EIF4B: variants seen among roughly 807,000 people sequenced by gnomAD.
EIF4B encodes the protein eukaryotic translation initiation factor 4B.
A neutral mutation model predicts 79.3 loss-of-function variants in EIF4B; 8 were observed. The observed-to-expected ratio is 0.10, with a 90% CI of 0.06 to 0.18. The LOEUF (loss-of-function observed/expected upper bound fraction) is 0.18, where lower values mean the gene tolerates loss of function less well. Ranked by LOEUF, EIF4B falls within the 10% of genes least tolerant of loss-of-function variation. The probability of loss-of-function intolerance (pLI) is 1.00; values close to 1 mark genes in which losing one functional copy is unlikely to be tolerated. For missense variants in EIF4B, 515 were observed against 792.4 expected (o/e 0.65, Z 4.20); for synonymous variants, 238 against 274.7 (o/e 0.87, Z 1.32).
rs561115006 is a variant in EIF4B at position 53,038,390 on chromosome 12, G to C, written c.1555G>C (p.Glu519Gln). The C allele has an allele frequency of 1.2e-6, 2 of 1,601,724 alleles. No individual in the cohort carries two copies. The highest frequency in any genetic ancestry group is 2.7e-5 in the African/African-American group (2 of 74,442). The change falls in exon 12 of 15, where the codon GAG (glutamate) becomes CAG (glutamine). Residue 519 changes from glutamate to glutamine, a missense_variant. Physicochemically the swap from Glu to Gln is conservative, Grantham distance 29 (BLOSUM62 2). This residue lies in a region of EIF4B where 146 missense variants were observed against 228.0 expected (regional missense o/e 0.64). Transcript: ENST00000262056. The part of the protein sequence containing the change: ...GGKVAPAQPS[E>Q]EGPGRKDENK... ...AAAAGTAGCTCCAGCTCAACCATCT[G>C]AGGAAGGACCAGGAAGGAAAGGTGA...
In EIF4B at chr12:53,042,209, A is replaced by T. The variant is rs1943651941; in HGVS notation, c.*1986A>T. 6.6e-6 allele frequency: 1 copy of T among 152,610 alleles called. No individual in the cohort carries two copies. The highest frequency in any genetic ancestry group is 2.1e-4 in the South Asian group (1 of 4,830). 9.5% of individuals were successfully genotyped at this position (152,610 alleles called of 1,614,324 possible). The stretch of plus-strand genomic sequence containing the variant: ...CAAATAAATCTGATCTTTAAAGTTC[A>T]TTGTAATGCTGAAGTTCTTTGACAA... On this transcript the variant is annotated 3_prime_UTR_variant, in exon 15 of 15. Coordinates refer to ENST00000262056, the MANE Select transcript of EIF4B (RefSeq NM_001417.7).
At position 53,034,675 on chromosome 12, in the gene EIF4B, A is replaced by T; in HGVS notation, c.1272A>T (p.Ser424=). The T allele has an allele frequency of 1.2e-6, 2 of 1,614,046 alleles. No homozygotes were observed. The highest frequency in any genetic ancestry group is 1.7e-6 in the Non-Finnish European group (2 of 1,179,902). The part of the protein sequence containing the change: ...ERERSRTGSE[S]SQTGTSTTSS... ...AACGGTCGAGGACAGGAAGTGAGTCATCACAAACTGGGACCTCCACCACAT... is the reference window on the plus strand; with the variant it reads ...AACGGTCGAGGACAGGAAGTGAGTCTTCACAAACTGGGACCTCCACCACAT... The change falls in exon 10 of 15, where the codon TCA becomes TCT. Residue 424 remains serine, a synonymous_variant. Coordinates refer to ENST00000262056, the MANE Select transcript of EIF4B (RefSeq NM_001417.7).
chr12:53,039,907 C>A, intron 14 of EIF4B: 1 of 753,896 alleles, frequency 1.3e-6, no homozygotes, highest in Non-Finnish European at 2.1e-6. Flanking sequence ...TGGTTTCTGT[C>A]TTCCTTTGTT....
intron 5 of EIF4B, 48 bp from the exon 6 acceptor site, chr12:53,022,445 A>G (rs1943261168): frequency 6.2e-7 from 1 of 1,603,000 alleles, no homozygotes; most frequent in African/African-American, 1.3e-5. Context: ...AATATTGGGC[A>G]AAGTTTTTAT....
chr12:53,024,510 A>G (rs2037418), intron 6 of EIF4B, among the ~76,000 whole-genome samples: 121,655 of 152,156 alleles, frequency 0.8, 50,936 homozygotes, highest in Non-Finnish European at 0.93. Context: ...TTTCTTTTAA[A>G]CAAAAAACAA....
chr12:53,038,244 T>G (rs1167276556), intron 11 of EIF4B, 112 bp from the exon 12 acceptor site: 10 of 825,768 alleles, frequency 1.2e-5, no homozygotes, highest in Non-Finnish European at 1.7e-5. Flanking sequence ...TAACATTGAG[T>G]ATGATTTTGT....
At position 53,006,548 on chromosome 12, in the gene EIF4B, G is replaced by A. The variant is rs542313296; in HGVS notation, c.13+52G>A. Reference sequence around the variant, plus strand: ...GGACTGGGCTCTGAAACCCCCCTCCGAGCGTGATCCACTGATTTCCTGAAG... The same window carrying A: ...GGACTGGGCTCTGAAACCCCCCTCCAAGCGTGATCCACTGATTTCCTGAAG... On this transcript the variant is annotated intron_variant, in intron 1 of 14. Transcript: ENST00000262056. 3.9e-5 allele frequency: 63 copies of A among 1,612,686 alleles called. No homozygotes were observed. In the South Asian group the frequency reaches 5.7e-4, roughly 15 times the overall value.
At chr12:53,024,052 T>C (rs1943294975) in intron 6 of EIF4B, among the ~76,000 whole-genome samples, 1 of 152,196 alleles carries the variant, frequency 6.6e-6, no homozygotes, top group Non-Finnish European at 1.5e-5. Flanking sequence ...TTATTGGGCA[T>C]ACATTATTAT....
At chr12:53,027,659 T>C (rs938078680) in intron 6 of EIF4B, 123 bp from the exon 7 acceptor site, 7 of 1,437,190 alleles carry the variant, frequency 4.9e-6, no homozygotes, top group Non-Finnish European at 6.5e-6. Context: ...AGGGAAACTT[T>C]TTGAAGAAAT....
At chr12:53,029,515 A>G (rs1319124060) in intron 8 of EIF4B, among the ~76,000 whole-genome samples, 1 of 151,962 alleles carries the variant, frequency 6.6e-6, no homozygotes, top group Non-Finnish European at 1.5e-5. Context: ...AGCTGGGACT[A>G]CAGGTGCACG....
chr12:53,040,204 GAGA>G lies in EIF4B; in HGVS notation c.1821_1823del (p.Glu607del). On this transcript the variant is annotated inframe_deletion, in exon 15 of 15. Transcript: ENST00000262056. ...GTTGATGGTGAAGATGAAAATGAGGGAGAAGATTATGCCGAATAGACCTCTACA... is the reference window on the plus strand; with the variant it reads ...GTTGATGGTGAAGATGAAAATGAGGGAGATTATGCCGAATAGACCTCTACA... The G allele has an allele frequency of 1.2e-6, 2 of 1,613,964 alleles. No homozygotes were observed. Among genetic ancestry groups the G allele is most frequent in the Non-Finnish European group, 1.7e-6 (2 of 1,179,956 alleles).
At chr12:53,009,184 A>G (rs1160071020) in intron 1 of EIF4B, among the ~76,000 whole-genome samples, 3 of 152,140 alleles carry the variant, frequency 2.0e-5, no homozygotes, top group Non-Finnish European at 4.4e-5. Flanking sequence ...CTGTCCCCTT[A>G]CCTAGAGGGA....
chr12:53,022,626 C>T lies in EIF4B; in HGVS notation c.666C>T (p.Asp222=). Residue 222 remains aspartate, a splice_region_variant and synonymous_variant, in exon 6 of 15, where the codon GAC becomes GAT. Transcript: ENST00000262056. ...GAAGAGGTGATGATAGCTTTGGAGA[C>T]AGTAAGTTTGTTTTTATGAAGTTAG... ...PPRRGDDSFG[D]KYRDRYDSDR... 1 of 1,612,874 alleles carries T rather than the reference C, an allele frequency of 6.2e-7. No individual in the cohort carries two copies. The highest frequency in any genetic ancestry group is 1.1e-5 in the South Asian group (1 of 90,848).
intron 2 of EIF4B, among the ~76,000 whole-genome samples, chr12:53,017,651 T>C (rs1943170296): frequency 6.6e-6 from 1 of 152,188 alleles, no homozygotes; most frequent in Non-Finnish European, 1.5e-5. Context: ...GGGGTGCAAG[T>C]GGCGCACTCT....
intron 10 of EIF4B, among the ~76,000 whole-genome samples, chr12:53,035,763 T>G (rs1386057717): frequency 6.6e-6 from 1 of 152,120 alleles, no homozygotes; most frequent in Non-Finnish European, 1.5e-5. Context: ...CCAGCCACTG[T>G]GATATTTTTT....
chr12:53,037,760 G>A (rs1943564187), intron 11 of EIF4B, 138 bp downstream of exon 11: 2 of 945,074 alleles, frequency 2.1e-6, no homozygotes, highest in South Asian at 1.7e-5. Flanking sequence ...TTAGTGTGCT[G>A]GAACTGGCTC....
chr12:53,009,494 C>CAAAA (rs10561811), intron 1 of EIF4B, among the ~76,000 whole-genome samples: 1 of 148,210 alleles, frequency 6.7e-6, no homozygotes, highest in African/African-American at 2.5e-5. Context: ...GACTCCGTCT[C>CAAAA]AAAAAAAAAA....
chr12:53,018,508 AAAGAT>A (rs1282704268), intron 2 of EIF4B, among the ~76,000 whole-genome samples: 1 of 152,214 alleles, frequency 6.6e-6, no homozygotes, highest in African/African-American at 2.4e-5. Context: ...GGACTGTTAA[AAAGAT>A]AAGATGGGAT....
rs575371819 is a variant in EIF4B at position 53,022,187 on chromosome 12, T to C, written c.533-306T>C. On this transcript the variant is annotated intron_variant, in intron 5 of 14. Transcript: ENST00000262056. ...TTGATCTAGATGAACATTAAATAGATGATAAATAGATTAGCTGCCTAACAG... is the reference window on the plus strand; with the variant it reads ...TTGATCTAGATGAACATTAAATAGACGATAAATAGATTAGCTGCCTAACAG... 132 of 666,616 alleles carry C rather than the reference T, an allele frequency of 2.0e-4. 1 individual carries two copies. Among genetic ancestry groups the C allele is most frequent in the South Asian group, 1.8e-3 (118 of 64,254 alleles). 41.3% of individuals were successfully genotyped at this position (666,616 alleles called of 1,614,324 possible).
Sources: allele counts gnomAD v4.1 joint callset (sites outside exome capture counted in the v4.1 genomes callset), GRCh38; gene constraint gnomAD v4.1.1; regional missense constraint gnomAD v4.1.1; transcripts MANE v1.5; gene names NCBI Gene and HGNC (gene_info 2026-07-23, HGNC 2026-07-21).